Variants in RYR2 observed in about 807,000 individuals in gnomAD.
The protein encoded by RYR2 is cardiac muscle ryanodine receptor-calcium release channel.
RYR2 carries 227 observed loss-of-function variants against 601.1 expected under a neutral mutation model. The observed-to-expected ratio is 0.38, with a 90% CI of 0.34 to 0.42. RYR2 has a LOEUF of 0.42. Ranked by LOEUF, RYR2 falls within the 10% of genes least tolerant of loss-of-function variation. The pLI is 1.00. For missense variants in RYR2, 4,646 were observed against 6,156.5 expected, an observed-to-expected ratio of 0.75 and a Z score of 8.21; for synonymous variants, 2,223 against 2,175.1, an observed-to-expected ratio of 1.02 and a Z score of -0.61.
intron 1 of RYR2, among the ~76,000 whole-genome samples, chr1:237,061,276 C>CATCTATCATCTATCTATCTATCTATCT (rs1553275502): frequency 8.1e-5 from 8 of 98,720 alleles, no homozygotes; most frequent in Non-Finnish European, 1.1e-4. Flanking sequence ...ATCCATCTAT[C>CATCTATCATCTATCTATCTATCTATCT]ATCTATCTAT....
chr1:237,709,890 G>A (rs941870412), intron 70 of RYR2, among the ~76,000 whole-genome samples: 3 of 152,062 alleles, frequency 2.0e-5, no homozygotes, highest in East Asian at 1.9e-4. Flanking sequence ...AGTTTGAGAC[G>A]TGCTTAAATA....
At chr1:237,821,020 C>T (rs948344372) in intron 101 of RYR2, among the ~76,000 whole-genome samples, 1 of 152,172 alleles carries the variant, frequency 6.6e-6, no homozygotes, top group Non-Finnish European at 1.5e-5. Flanking sequence ...AGGCAGCAAT[C>T]CTAGTTATTT....
At chr1:237,825,994 T>C (rs954055733) in intron 101 of RYR2, among the ~76,000 whole-genome samples, 2 of 152,120 alleles carry the variant, frequency 1.3e-5, no homozygotes, top group Admixed American at 6.6e-5. Context: ...AGAATGGCGA[T>C]CATTAAAAAG....
intron 6 of RYR2, among the ~76,000 whole-genome samples, chr1:237,370,309 A>G (rs1351355819): frequency 6.6e-6 from 1 of 152,120 alleles, no homozygotes; most frequent in Admixed American, 6.6e-5. Flanking sequence ...GATAACTATT[A>G]ATATCCCCCT....
At chr1:237,482,913 A>T (rs1185327785) in intron 17 of RYR2, among the ~76,000 whole-genome samples, 1 of 152,052 alleles carries the variant, frequency 6.6e-6, no homozygotes, top group Admixed American at 6.6e-5. Context: ...GTGCAATGAT[A>T]TCTCATTATA....
intron 96 of RYR2, among the ~76,000 whole-genome samples, chr1:237,795,789 C>T (rs950494231): frequency 4.7e-5 from 7 of 148,374 alleles, no homozygotes; most frequent in East Asian, 2.0e-4. Flanking sequence ...TGGCCGGGCG[C>T]GGTGGCTCAC....
At chr1:237,393,948 A>G (rs1181341014) in intron 10 of RYR2, among the ~76,000 whole-genome samples, 2 of 152,190 alleles carry the variant, frequency 1.3e-5, no homozygotes, top group Non-Finnish European at 2.9e-5. Context: ...TAGGAATTTG[A>G]GCTGTTGGAT....
At chr1:237,181,547 T>C (rs1029329063) in intron 1 of RYR2, among the ~76,000 whole-genome samples, 7 of 152,190 alleles carry the variant, frequency 4.6e-5, no homozygotes, top group Admixed American at 6.5e-5. Flanking sequence ...AGAGATGTTT[T>C]TGATGCTGTG....
chr1:237,756,361 T>C lies in RYR2; in HGVS notation c.11219T>C (p.Val3740Ala), dbSNP rs1179480817. 1 of 1,612,770 alleles carries C rather than the reference T, an allele frequency of 6.2e-7. No homozygotes were observed. Among genetic ancestry groups the C allele is most frequent in the Non-Finnish European group, 8.5e-7 (1 of 1,179,206 alleles). Residue 3740 changes from valine to alanine, a missense_variant, in exon 81 of 105, where the codon GTG (valine) becomes GCG (alanine). Transcript: ENST00000366574. ...CACGATCGTGGCGCGGCTGAGATGG[T>C]GCTACAGACAATCAGTGCCAGCAAA... ...RLHDRGAAEM[V>A]LQTISASKGE... is the part of the protein sequence containing the mutation.
intron 1 of RYR2, among the ~76,000 whole-genome samples, chr1:237,107,538 G>GAAAAAAAAAAAA (rs1218167557): frequency 2.0e-3 from 111 of 56,822 alleles, no homozygotes; most frequent in Non-Finnish European, 3.2e-3. Context: ...AAAAAAAAAG[G>GAAAAAAAAAAAA]AAACATTGTA....
rs144860054 is a variant in RYR2, at chr1:237,451,248, C to T, written c.1293-3143C>T. ...CTACGTTCTATACAACAGAATGCTA[C>T]GCAACCAGTAAAATAATAAGACTTA... On this transcript the variant is annotated intron_variant, in intron 14 of 104. Coordinates refer to ENST00000366574, the MANE Select transcript of RYR2 (RefSeq NM_001035.3). Among the ~76,000 whole-genome samples the T allele has an allele frequency of 9.9e-4, 151 of 152,072 alleles. 1 individual carries two copies. Among genetic ancestry groups the T allele is most frequent in the African/African-American group, 2.6e-3 (106 of 41,482 alleles).
At chr1:237,689,930 C>T (rs534392474) in intron 63 of RYR2, among the ~76,000 whole-genome samples, 155 of 151,688 alleles carry the variant, frequency 1.0e-3, no homozygotes, top group African/African-American at 3.6e-3. Flanking sequence ...CTGCAACCTC[C>T]GCCTCCCAGG....
At chr1:237,383,964 G>A (rs1003564856) in intron 8 of RYR2, among the ~76,000 whole-genome samples, 2 of 152,058 alleles carry the variant, frequency 1.3e-5, no homozygotes, top group Non-Finnish European at 2.9e-5. Context: ...GTCTGTTTTT[G>A]CTTTAAGGAT....
At chr1:237,053,969 G>A (rs962802007) in intron 1 of RYR2, among the ~76,000 whole-genome samples, 3 of 152,138 alleles carry the variant, frequency 2.0e-5, no homozygotes, top group South Asian at 2.1e-4. Context: ...ACATTATTCC[G>A]CTCAGACAGG....
At chr1:237,428,851 C>A (rs1706486001) in intron 12 of RYR2, among the ~76,000 whole-genome samples, 1 of 151,282 alleles carries the variant, frequency 6.6e-6, no homozygotes, top group African/African-American at 2.4e-5. Context: ...AAAACAAAAT[C>A]TCCAGGAGCT....
chr1:237,759,951 T>C, intron 83 of RYR2, 99 bp downstream of exon 83: 1 of 765,028 alleles, frequency 1.3e-6, no homozygotes, highest in Admixed American at 2.4e-5. Context: ...AGAAGAATAG[T>C]TAATGATTAA....
chr1:237,742,715 G>T (rs568572191), intron 80 of RYR2, among the ~76,000 whole-genome samples: 7 of 152,184 alleles, frequency 4.6e-5, no homozygotes, highest in African/African-American at 1.7e-4. Context: ...TAAACCCTTG[G>T]TTTGATATTT....
At chr1:237,410,134 A>G (rs1704296580) in intron 10 of RYR2, among the ~76,000 whole-genome samples, 2 of 152,212 alleles carry the variant, frequency 1.3e-5, no homozygotes, top group Admixed American at 6.5e-5. Context: ...GTGATACTGT[A>G]GTAATAATAG....
rs1292127230 is a variant in RYR2 at position 237,590,508 on chromosome 1, A to G, written c.3808-132A>G. 1.2e-5 allele frequency: 8 copies of G among 650,228 alleles called. No individual in the cohort carries two copies. The Admixed American group carries it at 2.3e-4, about 18-fold the overall frequency. The allele number at this position is 650,228 out of a possible 1,614,324, so 40.3% of individuals were successfully genotyped here. ...CCATAGCACAGTAATCTGTTTAATC[A>G]TCTCTTACAAAATGATGCCATGTGT... On this transcript the variant is annotated intron_variant, in intron 30 of 104. Coordinates refer to ENST00000366574, the MANE Select transcript of RYR2 (RefSeq NM_001035.3).
Sources: allele counts gnomAD v4.1 joint callset (sites outside exome capture counted in the v4.1 genomes callset), GRCh38; gene constraint gnomAD v4.1.1; transcripts MANE v1.5; gene names NCBI Gene and HGNC (gene_info 2026-07-23, HGNC 2026-07-21).